APOL3: variants seen among roughly 807,000 people sequenced by gnomAD.
The protein encoded by APOL3 is apolipoprotein L3.
A neutral mutation model predicts 11.6 loss-of-function variants in APOL3; 14 were observed. The ratio of observed to expected loss-of-function variants is 1.21; its 90% CI spans 0.80 to 1.89. The LOEUF is 1.89. Among genes scored for constraint, APOL3 ranks in the 40% most tolerant of loss-of-function variants. The pLI, the probability that APOL3 is intolerant of heterozygous loss-of-function variation, is 0.00. For missense variants in APOL3, 483 were observed against 492.1 expected (o/e 0.98, Z 0.17); for synonymous variants, 192 against 190.6 (o/e 1.01, Z -0.06).
At chr22:36,142,095 C>T (rs374229079) in intron 2 of APOL3, 37 bp from the exon 4 acceptor site, 9 of 1,548,846 alleles carry the variant, frequency 5.8e-6, no homozygotes, top group Non-Finnish European at 7.8e-6. Flanking sequence ...AGAAAGGCAG[C>T]TTACTTATCT....
chr22:36,153,259 C>T, intron 1 of APOL3: 1 of 354,140 alleles, frequency 2.8e-6, no homozygotes, highest in Non-Finnish European at 5.7e-6. Flanking sequence ...ACAGAAGTTA[C>T]TTTATAGTAG....
Position 36,156,851 on chromosome 22 carries a change from G to A in APOL3, c.223+3818C>T, listed in dbSNP as rs181265160. On this transcript the variant is annotated intron_variant, in intron 1 of 2. Coordinates refer to ENST00000349314, the Ensembl canonical transcript of APOL3. Reference sequence around the variant, plus strand: ...GCATCCCCTATGACTGACCTGGGTGGCCTCTGCCCTCCGTGGCACAGCCTG... The same window carrying A: ...GCATCCCCTATGACTGACCTGGGTGACCTCTGCCCTCCGTGGCACAGCCTG... 3 of 434,542 alleles carry A rather than the reference G, an allele frequency of 6.9e-6. No individual in the cohort carries two copies. The Admixed American group carries it at 7.3e-5, about 11-fold the overall frequency. The allele number at this position is 434,542 out of a possible 1,614,324, so 26.9% of individuals were successfully genotyped here.
intron 1 of APOL3, chr22:36,153,556 T>C (rs1256655475): frequency 2.7e-6 from 1 of 373,744 alleles, no homozygotes; most frequent in African/African-American, 2.1e-5. Flanking sequence ...GGGCTTCTTT[T>C]CCACCCAAAG....
In APOL3 at chr22:36,145,617, G is replaced by A; in HGVS notation, c.224-18C>T. 2 of 1,612,390 alleles carry A rather than the reference G, an allele frequency of 1.2e-6. No homozygotes were observed. Among genetic ancestry groups the A allele is most frequent in the Non-Finnish European group, 1.7e-6 (2 of 1,179,424 alleles). On this transcript the variant is annotated intron_variant, in intron 1 of 2. Transcript: ENST00000349314. ...TTTCTTTTCTACTTGGAAACAAAAA[G>A]CATAAGATTGGAAGAAAGTGTGCTA...
chr22:36,165,460 C>G (rs959948695), upstream of APOL3: 3 of 152,130 alleles, frequency 2.0e-5, no homozygotes, highest in African/African-American at 7.2e-5. Context: ...ACAGGGCCAA[C>G]AAGTTAATGG....
chr22:36,150,273 T>A (rs1398730966), intron 1 of APOL3, among the ~76,000 whole-genome samples: 1 of 152,204 alleles, frequency 6.6e-6, no homozygotes, highest in Non-Finnish European at 1.5e-5. Context: ...AAGATCTGAC[T>A]ACAGTGTTAG....
At chr22:36,159,312 C>G (rs1603475897) in intron 1 of APOL3, 1 of 152,302 alleles carries the variant, frequency 6.6e-6, no homozygotes, top group African/African-American at 2.4e-5. Flanking sequence ...GCATCCTAAC[C>G]CCCTAAGGCA....
At chr22:36,149,955 T>C (rs2060369687) in intron 1 of APOL3, 3 of 455,626 alleles carry the variant, frequency 6.6e-6, no homozygotes, top group Admixed American at 4.7e-5. Context: ...TACAGGTACA[T>C]ACCACCACGC....
intron 1 of APOL3, 59 bp from the exon 2 acceptor site, chr22:36,149,201 G>A: frequency 1.5e-6 from 2 of 1,321,556 alleles, no homozygotes; most frequent in Non-Finnish European, 2.0e-6. Context: ...GACAGAGGGA[G>A]GTTGGAGGGG....
At chr22:36,163,601 G>T (rs1017808521), upstream of APOL3, among the ~76,000 whole-genome samples, 3 of 152,252 alleles carry the variant, frequency 2.0e-5, no homozygotes, top group Non-Finnish European at 4.4e-5. Context: ...GTAGGAAGGG[G>T]TCTCCATGCT....
intron 1 of APOL3, among the ~76,000 whole-genome samples, chr22:36,148,182 C>T (rs1324409676): frequency 1.3e-5 from 2 of 152,190 alleles, no homozygotes; most frequent in Admixed American, 1.3e-4. Flanking sequence ...CTTCAAAATT[C>T]GATTGGACCT....
At chr22:36,164,998 ATTT>A (rs1603476201), upstream of APOL3, 1 of 152,132 alleles carries the variant, frequency 6.6e-6, no homozygotes. Flanking sequence ...GACAAATCAC[ATTT>A]TTGTATAGAA....
exon 3 of APOL3, chr22:36,142,016 T>C (rs765807636): frequency 6.2e-7 from 1 of 1,614,058 alleles, no homozygotes; most frequent in Non-Finnish European, 8.5e-7. Flanking sequence ...CTGCATATGT[T>C]CTAAGCTTCT....
intron 1 of APOL3, among the ~76,000 whole-genome samples, chr22:36,157,727 A>C (rs1358085924): frequency 6.6e-6 from 1 of 152,248 alleles, no homozygotes; most frequent in Admixed American, 6.5e-5. Flanking sequence ...AGAAATGCTC[A>C]AATCAACATG....
intron 1 of APOL3, among the ~76,000 whole-genome samples, chr22:36,151,996 G>C (rs959505995): frequency 2.0e-5 from 3 of 152,066 alleles, no homozygotes; most frequent in Non-Finnish European, 4.4e-5. Context: ...GAGTGTGTGT[G>C]TGTGTGTGCA....
In APOL3 at chr22:36,160,746, T is replaced by C; in HGVS notation, c.146A>G (p.Asp49Gly). The change falls in exon 1 of 3, where the codon GAT becomes GGT. Residue 49 changes from aspartate (D) to glycine (G), a missense_variant. By Grantham distance (94) the Asp-to-Gly change is moderately conservative. It removes an upstream start codon present in the reference 5' UTR. Transcript: ENST00000349314. The stretch of plus-strand genomic sequence containing the variant: ...TGTGGATCCCACCTCCAGCCGTGCA[T>C]CTGCATAATAACCAGACACGTTCTC... 1 of 1,613,974 alleles carries C rather than the reference T, an allele frequency of 6.2e-7. No individual in the cohort carries two copies. The highest frequency in any genetic ancestry group is 8.5e-7 in the Non-Finnish European group (1 of 1,179,986).
At chr22:36,154,523 C>T (rs866011767) in intron 1 of APOL3, 4 of 437,454 alleles carry the variant, frequency 9.1e-6, no homozygotes, top group Admixed American at 2.9e-5. Context: ...GGATATTTTT[C>T]CTTCTATTTA....
chr22:36,152,168 G>A (rs1309054099), intron 1 of APOL3, among the ~76,000 whole-genome samples: 2 of 152,154 alleles, frequency 1.3e-5, no homozygotes, highest in Non-Finnish European at 2.9e-5. Context: ...GGCTCTGTAG[G>A]GAAAGGGGAC....
chr22:36,162,567 G>A (rs186579846), upstream of APOL3, among the ~76,000 whole-genome samples: 12 of 152,188 alleles, frequency 7.9e-5, no homozygotes, highest in Non-Finnish European at 1.3e-4. Flanking sequence ...TCCACAAACC[G>A]CACAGAAGCA....
Sources: allele counts gnomAD v4.1 joint callset (sites outside exome capture counted in the v4.1 genomes callset), GRCh38; gene constraint gnomAD v4.1.1; transcripts MANE v1.5; gene names NCBI Gene and HGNC (gene_info 2026-07-23, HGNC 2026-07-21).